UPP1: variants seen among roughly 807,000 people sequenced by gnomAD.
UPP1 encodes the protein UPase 1.
A neutral mutation model predicts 29.6 loss-of-function variants in UPP1; 25 were observed. The ratio of observed to expected loss-of-function variants is 0.85; its 90% CI spans 0.62 to 1.18. UPP1 has a LOEUF of 1.18. UPP1 is among the 50% of genes most tolerant of loss of function. The pLI is 0.00. For synonymous variants in UPP1, 165 were observed against 159.8 expected (o/e 1.03, Z -0.25); for missense variants, 368 against 410.4 (o/e 0.90, Z 0.89).
At chr7:48,095,675 C>T (rs1262974900) in intron 3 of UPP1, among the ~76,000 whole-genome samples, 1 of 151,436 alleles carries the variant, frequency 6.6e-6, no homozygotes, top group Non-Finnish European at 1.5e-5. Context: ...TGGAGTTTTG[C>T]TCTTGTCGCC....
At chr7:48,100,050 G>A (rs946118040) in intron 4 of UPP1, among the ~76,000 whole-genome samples, 4 of 152,260 alleles carry the variant, frequency 2.6e-5, no homozygotes, top group South Asian at 2.1e-4. Flanking sequence ...CTGGAAATAC[G>A]GTCCGAGAAA....
intron 6 of UPP1, 120 bp downstream of exon 6, chr7:48,103,531 G>A (rs1792551566): frequency 9.9e-7 from 1 of 1,009,890 alleles, no homozygotes; most frequent in African/African-American, 1.6e-5. Context: ...TTTGTTCAAG[G>A]GAAGCTTGTT....
intron 3 of UPP1, 60 bp from the exon 4 acceptor site, chr7:48,099,610 T>C: frequency 8.4e-7 from 1 of 1,196,454 alleles, no homozygotes; most frequent in Non-Finnish European, 1.2e-6. Flanking sequence ...ACTTCTGTGA[T>C]AATGTCGGCT....
chr7:48,097,791 C>G (rs1333300615), intron 3 of UPP1, among the ~76,000 whole-genome samples: 1 of 152,128 alleles, frequency 6.6e-6, no homozygotes, highest in African/African-American at 2.4e-5. Flanking sequence ...CTAAAGGATC[C>G]TAAAATACTG....
At chr7:48,108,156 C>A in intron 8 of UPP1, 62 bp from the exon 9 acceptor site, 1 of 1,574,276 alleles carries the variant, frequency 6.4e-7, no homozygotes, top group Non-Finnish European at 8.7e-7. Flanking sequence ...GTTCTTCATC[C>A]CGTCCCTGTG....
chr7:48,107,454 T>C lies in UPP1; in HGVS notation c.740T>C (p.Ile247Thr), dbSNP rs371462800. 37 of 1,613,972 alleles carry C rather than the reference T, an allele frequency of 2.3e-5. No individual in the cohort carries two copies. Among genetic ancestry groups the C allele is most frequent in the African/African-American group, 5.3e-5 (4 of 74,924 alleles). ...EAAYAAGVRN[I>T]EMESSVFAAM... ...GCCTATGCAGCCGGCGTCCGCAATA[T>C]CGAGATGGAGTCCTCGGTGTTTGCC... is the stretch of plus-strand genomic sequence containing the variant. The change falls in exon 8 of 9, where the codon ATC (isoleucine) becomes ACC (threonine). Residue 247 changes from isoleucine (I) to threonine (T), a missense_variant. Transcript: ENST00000395564.
At chr7:48,104,941 A>AG (rs1447588892) in intron 6 of UPP1, 1 of 152,238 alleles carries the variant, frequency 6.6e-6, no homozygotes, top group Non-Finnish European at 1.5e-5. Flanking sequence ...CTCTGTAAAA[A>AG]TGGAAAGAGC....
chr7:48,090,691 A>G (rs551869110), intron 2 of UPP1, among the ~76,000 whole-genome samples: 1 of 152,340 alleles, frequency 6.6e-6, no homozygotes, highest in South Asian at 2.1e-4. Flanking sequence ...TTCCCAGGGC[A>G]GGCCTTTGTC....
At position 48,096,658 on chromosome 7, in the gene UPP1, ACTC is replaced by A. The variant is rs1792145750; in HGVS notation, c.44+1834_44+1836del. Among the ~76,000 whole-genome samples, 4 of 150,988 alleles carry A rather than the reference ACTC, an allele frequency of 2.6e-5. No homozygotes were observed. In the South Asian group the frequency reaches 8.4e-4, roughly 32 times the overall value. ...ACTGCTTTCTCTTCCCTGCTGATAA[ACTC>A]CTGGAATCAGAAGCCAGTTTTCATT... On this transcript the variant is annotated intron_variant, in intron 3 of 8. Coordinates refer to ENST00000395564, the MANE Select transcript of UPP1 (RefSeq NM_003364.4).
intron 2 of UPP1, among the ~76,000 whole-genome samples, chr7:48,093,495 A>G (rs1223055557): frequency 6.6e-6 from 1 of 152,172 alleles, no homozygotes; most frequent in Non-Finnish European, 1.5e-5. Flanking sequence ...CCACTCTGCA[A>G]GGCTTTCCAG....
intron 5 of UPP1, among the ~76,000 whole-genome samples, chr7:48,102,651 C>T (rs532072008): frequency 3.3e-5 from 5 of 152,234 alleles, no homozygotes; most frequent in East Asian, 1.9e-4. Flanking sequence ...GCTCCGTGAC[C>T]GATTCTAGCA....
intron 7 of UPP1, 106 bp downstream of exon 7, chr7:48,107,188 G>A (rs1450361929): frequency 6.8e-7 from 1 of 1,466,708 alleles, no homozygotes; most frequent in African/African-American, 1.4e-5. Flanking sequence ...CCAGGCTGCT[G>A]TCTCAGTTAC....
intron 8 of UPP1, 113 bp downstream of exon 8, chr7:48,107,620 CT>C: frequency 7.9e-7 from 1 of 1,266,282 alleles, no homozygotes; most frequent in African/African-American, 1.5e-5. Flanking sequence ...TTTCTGGTTT[CT>C]GTTTCCGCTG....
At chr7:48,095,950 G>T (rs1434373970) in intron 3 of UPP1, among the ~76,000 whole-genome samples, 1 of 152,172 alleles carries the variant, frequency 6.6e-6, no homozygotes, top group Non-Finnish European at 1.5e-5. Flanking sequence ...GCCTGCCTCA[G>T]TGATTATTTT....
chr7:48,102,756 G>C (rs539547337), intron 5 of UPP1, among the ~76,000 whole-genome samples: 7 of 152,088 alleles, frequency 4.6e-5, no homozygotes, highest in Admixed American at 6.6e-5. Flanking sequence ...GTGACACTAG[G>C]GGGGGTGCTC....
intron 6 of UPP1, chr7:48,103,702 C>A: frequency 8.0e-7 from 1 of 1,244,404 alleles, no homozygotes; most frequent in Non-Finnish European, 1.1e-6. Context: ...CTGCTTGATT[C>A]TGTCTTATTC....
At chr7:48,091,687 C>T (rs1227315575) in intron 2 of UPP1, among the ~76,000 whole-genome samples, 1 of 152,152 alleles carries the variant, frequency 6.6e-6, no homozygotes, top group African/African-American at 2.4e-5. Flanking sequence ...AATAGACCCT[C>T]CCTGAGTGCA....
In UPP1 at chr7:48,101,958, A is replaced by G; in HGVS notation, c.297A>G (p.Lys99=). 1.9e-6 allele frequency: 3 copies of G among 1,613,938 alleles called. No individual in the cohort carries two copies. The highest frequency in any genetic ancestry group is 2.5e-6 in the Non-Finnish European group (3 of 1,179,906). ...GAACTGACCGCTATGCCATGTATAA[A>G]GTAGGACCGGTGCTGTCTGTCAGTG... ...CAGTDRYAMY[K]VGPVLSVSHG... is the part of the protein sequence containing the mutation. Residue 99 remains lysine, a synonymous_variant, in exon 5 of 9, where the codon AAA becomes AAG. Transcript: ENST00000395564.
intron 6 of UPP1, chr7:48,103,747 C>T: frequency 7.7e-7 from 1 of 1,294,344 alleles, no homozygotes; most frequent in East Asian, 5.4e-5. Flanking sequence ...TCTCTCCTTT[C>T]CTTTGCTTAC....
Sources: gnomAD v4.1 joint callset for allele counts (sites outside exome capture counted in the v4.1 genomes callset) on GRCh38, gnomAD v4.1.1 for gene constraint, MANE v1.5 for transcripts, NCBI Gene and HGNC (gene_info 2026-07-23, HGNC 2026-07-21) for gene names.